Variants in ALDH2 observed in about 807,000 individuals in gnomAD.
ALDH2 encodes the protein aldehyde dehydrogenase 2 family member.
In ALDH2, 44 loss-of-function variants were observed where a neutral mutation model predicts 59.6. The observed-to-expected ratio is 0.74, with a 90% CI of 0.58 to 0.95. ALDH2 has a LOEUF of 0.95. ALDH2 is among the 40% of genes least tolerant of loss of function. The pLI is 0.00. For missense variants in ALDH2, 570 were observed against 696.3 expected (o/e 0.82, Z 2.04); for synonymous variants, 291 against 284.0 (o/e 1.02, Z -0.25).
intron 11 of ALDH2, among the ~76,000 whole-genome samples, chr12:111,800,944 T>C (rs1267958941): frequency 6.6e-6 from 1 of 152,226 alleles, no homozygotes; most frequent in African/African-American, 2.4e-5. Context: ...GATGAATGGA[T>C]ACAGAATGTG....
chr12:111,809,463 C>A, intron 12 of ALDH2, 80 bp from the exon 13 acceptor site: 1 of 1,514,608 alleles, frequency 6.6e-7, no homozygotes. Context: ...TCTGCTCACA[C>A]TTAGTCAGCT....
intron 2 of ALDH2, 138 bp from the exon 3 acceptor site, chr12:111,783,020 T>C: frequency 9.1e-7 from 1 of 1,098,092 alleles, no homozygotes; most frequent in Non-Finnish European, 1.3e-6. Flanking sequence ...TCTGCCGGGC[T>C]AGGAGCATTG....
At chr12:111,797,969 G>A (rs1349084199) in intron 9 of ALDH2, 109 bp from the exon 10 acceptor site, 26 of 1,326,028 alleles carry the variant, frequency 2.0e-5, no homozygotes, top group Non-Finnish European at 2.6e-5. Flanking sequence ...GCTTTCTTAT[G>A]ACCTTGGTCC....
rs538246934 is a variant in ALDH2, at chr12:111,792,069, C to T, written c.804C>T (p.Arg268=). 4.0e-5 allele frequency: 64 copies of T among 1,610,134 alleles called. 1 individual carries two copies. Among genetic ancestry groups the T allele is most frequent in the South Asian group, 2.9e-4 (26 of 90,742 alleles). Residue 268 remains arginine (R), a synonymous_variant, in exon 8 of 13, where the codon CGC becomes CGT. Coordinates refer to ENST00000261733, the MANE Select transcript of ALDH2 (RefSeq NM_000690.4). ...TCTTTCTGTCCCCACAGATTGGCCG[C>T]GTAATCCAGGTTGCTGCTGGGAGCA... ...VAFTGSTEIG[R]VIQVAAGSSN...
intron 12 of ALDH2, among the ~76,000 whole-genome samples, chr12:111,807,285 G>A (rs1425165703): frequency 4.8e-4 from 69 of 142,700 alleles, no homozygotes; most frequent in Non-Finnish European, 2.9e-4. Context: ...AAACAAAACG[G>A]AAAAAAAAAA....
intron 7 of ALDH2, 62 bp from the exon 8 acceptor site, chr12:111,791,999 T>G (rs1436910439): frequency 4.9e-6 from 5 of 1,025,472 alleles, no homozygotes; most frequent in Non-Finnish European, 7.7e-6. Context: ...TCTGTGTCTA[T>G]AGAGTGCTGG....
chr12:111,800,089 C>T (rs920756648), intron 11 of ALDH2, 26 bp downstream of exon 11: 8 of 1,597,758 alleles, frequency 5.0e-6, no homozygotes, highest in Non-Finnish European at 6.8e-6. Context: ...CAGCCCCTCA[C>T]AACCCAACAG....
intron 9 of ALDH2, among the ~76,000 whole-genome samples, chr12:111,796,098 T>TAA (rs1231233862): frequency 7.2e-6 from 1 of 137,966 alleles, no homozygotes; most frequent in African/African-American, 2.7e-5. Flanking sequence ...TCATCTCTAC[T>TAA]AAAAAAAAAA....
At chr12:111,797,272 T>C (rs113554658) in intron 9 of ALDH2, among the ~76,000 whole-genome samples, 167 of 152,338 alleles carry the variant, frequency 1.1e-3, no homozygotes, top group African/African-American at 3.8e-3. Flanking sequence ...TGGGCCATCT[T>C]TCTGTGTCAG....
chr12:111,816,976 C>T lies in ALDH2; in HGVS notation c.*7401C>T, dbSNP rs1460540590. On this transcript the variant is annotated 3_prime_UTR_variant, in exon 13 of 13. Transcript: ENST00000261733. The stretch of plus-strand genomic sequence containing the variant: ...CTTTGGTTATATTCTAAGTTGGTTA[C>T]ACAAATATGAGTGTGATTAAAATGA... 3 of 152,170 alleles carry T rather than the reference C, an allele frequency of 2.0e-5. No homozygotes were observed. The highest frequency in any genetic ancestry group is 6.5e-5 in the Admixed American group (1 of 15,280). 9.4% of individuals were successfully genotyped at this position (152,170 alleles called of 1,614,324 possible). A position where few individuals can be genotyped will look rare whatever the true frequency, so the allele number is the denominator to read the frequency against.
At chr12:111,776,606 C>CA (rs971647436) in intron 1 of ALDH2, among the ~76,000 whole-genome samples, 13 of 151,150 alleles carry the variant, frequency 8.6e-5, no homozygotes, top group East Asian at 1.9e-4. Context: ...ACAAAAAATA[C>CA]AAAAAAAATC....
Position 111,806,039 on chromosome 12 carries a change from C to T in ALDH2, c.1521+2066C>T, listed in dbSNP as rs527876023. Among the ~76,000 whole-genome samples the T allele has an allele frequency of 1.4e-3, 208 of 146,444 alleles. 1 individual carries two copies. Among genetic ancestry groups the T allele is most frequent in the African/African-American group, 5.1e-3 (200 of 39,570 alleles). On this transcript the variant is annotated intron_variant, in intron 12 of 12. Coordinates refer to ENST00000261733, the MANE Select transcript of ALDH2 (RefSeq NM_000690.4). ...TCAAAAAAAAAAAAAACAGGCCGGG[C>T]GCAGTGGCTCACACCTGTAATCCTA... is the stretch of plus-strand genomic sequence containing the variant.
Position 111,792,733 on chromosome 12 carries a change from C to T in ALDH2, c.1034C>T (p.Ser345Phe), listed in dbSNP as rs768374581. Residue 345 changes from serine (S) to phenylalanine (F), a missense_variant, in exon 9 of 13, where the codon TCT (serine) becomes TTT (phenylalanine). Coordinates refer to ENST00000261733, the MANE Select transcript of ALDH2 (RefSeq NM_000690.4). ...GAGCGGAGCGTTGCCCGGGCCAAGT[C>T]TCGGGTGGTCGGGAACCCCTTTGAT... Reference protein sequence around the residue: ...FVERSVARAKSRVVGNPFDSK... With the variant: ...FVERSVARAKFRVVGNPFDSK... 6.4e-7 allele frequency: 1 copy of T among 1,570,900 alleles called. No individual in the cohort carries two copies. Among genetic ancestry groups the T allele is most frequent in the Non-Finnish European group, 8.6e-7 (1 of 1,158,460 alleles).
At chr12:111,774,739 T>G (rs796112294) in intron 1 of ALDH2, among the ~76,000 whole-genome samples, 19 of 152,238 alleles carry the variant, frequency 1.2e-4, no homozygotes, top group African/African-American at 4.6e-4. Flanking sequence ...GGCCAGAATT[T>G]CATTCTCTCC....
chr12:111,771,492 A>G (rs926473617), intron 1 of ALDH2, among the ~76,000 whole-genome samples: 3 of 152,218 alleles, frequency 2.0e-5, no homozygotes, highest in Non-Finnish European at 2.9e-5. Flanking sequence ...ATGAACACCT[A>G]TGTTACAGTT....
intron 3 of ALDH2, 49 bp downstream of exon 3, chr12:111,783,347 T>A: frequency 6.4e-7 from 1 of 1,558,838 alleles, no homozygotes; most frequent in Non-Finnish European, 8.7e-7. Flanking sequence ...GTGAATAGGC[T>A]CGCAGCATCC....
chr12:111,791,438 C>G lies in ALDH2; in HGVS notation c.795+19C>G, dbSNP rs746303014. On this transcript the variant is annotated intron_variant, in intron 7 of 12. Transcript: ENST00000261733. ...CACTGAGGTAAGGTGACCCTGGCCT[C>G]AAGCTTGCAGCCTCCTTGGCCCAAG... 9.4e-5 allele frequency: 149 copies of G among 1,584,342 alleles called. No individual in the cohort carries two copies. The highest frequency in any genetic ancestry group is 1.2e-4 in the Non-Finnish European group (144 of 1,157,616).
At chr12:111,771,843 A>G (rs1346931472) in intron 1 of ALDH2, among the ~76,000 whole-genome samples, 1 of 152,176 alleles carries the variant, frequency 6.6e-6, no homozygotes, top group Non-Finnish European at 1.5e-5. Flanking sequence ...TCACGCCTGT[A>G]ATCTCCGCAC....
rs1210769557 is a variant in ALDH2, at chr12:111,767,080, A to T, written c.98A>T (p.Glu33Val). 2.6e-6 allele frequency: 4 copies of T among 1,518,104 alleles called. No homozygotes were observed. The highest frequency in any genetic ancestry group is 3.5e-6 in the Non-Finnish European group (4 of 1,139,510). 94.0% of individuals were successfully genotyped at this position (1,518,104 alleles called of 1,614,324 possible). The stretch of plus-strand genomic sequence containing the variant: ...GTGCCTGCCCCCAACCAGCAGCCCG[A>T]GGTCTTCTGCAACCAGGTGAGCCCA... ...QAVPAPNQQP[E>V]VFCNQIFINN... Residue 33 changes from glutamate (E) to valine (V), a missense_variant, in exon 1 of 13, where the codon GAG becomes GTG. Physicochemically the swap from Glu to Val is moderately radical, Grantham distance 121. Transcript: ENST00000261733.
Sources: gnomAD v4.1 joint callset for allele counts (sites outside exome capture counted in the v4.1 genomes callset) on GRCh38, gnomAD v4.1.1 for gene constraint, MANE v1.5 for transcripts, NCBI Gene and HGNC (gene_info 2026-07-23, HGNC 2026-07-21) for gene names.